The following CUX1 variants were observed in gnomAD, a reference collection of about 807,000 sequenced individuals.
CUX1 encodes cut like homeobox 1.
Under a neutral mutation model 158.8 loss-of-function variants are expected in CUX1, and 31 were observed. The ratio of observed to expected loss-of-function variants is 0.20; its 90% CI spans 0.15 to 0.26. The LOEUF is 0.26. Ranked by LOEUF, CUX1 falls within the 10% of genes least tolerant of loss-of-function variation. The pLI is 1.00. For synonymous variants in CUX1, 879 were observed against 862.1 expected (o/e 1.02, Z -0.34); for missense variants, 1,589 against 2,014.6 (o/e 0.79, Z 4.04).
intron 4 of CUX1, among the ~76,000 whole-genome samples, chr7:102,084,357 T>C (rs1373888300): frequency 1.3e-5 from 2 of 149,864 alleles, no homozygotes; most frequent in Non-Finnish European, 3.0e-5. Flanking sequence ...GCTCACCTAT[T>C]AGCTCTAGAA....
rs1554538331 is a variant in CUX1, at chr7:102,248,865, C to G, written c.4341C>G (p.Ser1447Arg). The change falls in exon 24 of 24, where the codon AGC becomes AGG. Residue 1447 changes from serine to arginine, a missense_variant. Transcript: ENST00000292535. The surrounding 1 kb of genome is among the most constrained non-coding windows in gnomAD (Gnocchi z 5.8). ...SAPPPSNSSS[S>R]SAPRRPSSLQ... Reference sequence around the variant, plus strand: ...CGCCGCCCAGCAACAGCAGCAGCAGCAGCGCCCCCCGCAGGCCCAGCTCGC... The same window carrying G: ...CGCCGCCCAGCAACAGCAGCAGCAGGAGCGCCCCCCGCAGGCCCAGCTCGC... 7.7e-7 allele frequency: 1 copy of G among 1,302,124 alleles called. No individual in the cohort carries two copies. Among genetic ancestry groups the G allele is most frequent in the Admixed American group, 3.7e-5 (1 of 26,814 alleles). The allele number at this position is 1,302,124 out of a possible 1,614,324, so 80.7% of individuals were successfully genotyped here.
chr7:101,981,783 G>T (rs1281133523), intron 2 of CUX1, among the ~76,000 whole-genome samples: 1 of 152,056 alleles, frequency 6.6e-6, no homozygotes, highest in Non-Finnish European at 1.5e-5. Flanking sequence ...GCTAATGTTT[G>T]TATTTTTAGA....
chr7:102,149,093 A>G (rs1266359464), intron 8 of CUX1, among the ~76,000 whole-genome samples: 1 of 152,122 alleles, frequency 6.6e-6, no homozygotes, highest in African/African-American at 2.4e-5. Context: ...TTATTTGCAG[A>G]TGTGGTCACA....
At chr7:101,994,998 G>A (rs1043987526) in intron 2 of CUX1, among the ~76,000 whole-genome samples, 12 of 151,788 alleles carry the variant, frequency 7.9e-5, no homozygotes, top group Admixed American at 3.9e-4. Context: ...TTAGAAGGCC[G>A]AGACGGGGGG....
At chr7:101,860,498 G>T (rs1170912675) in intron 1 of CUX1, among the ~76,000 whole-genome samples, 1 of 152,202 alleles carries the variant, frequency 6.6e-6, no homozygotes, top group Admixed American at 6.5e-5. Flanking sequence ...GCAGAATGAT[G>T]CTCTGTGGGG....
At chr7:102,143,091 G>C (rs1047980136) in intron 8 of CUX1, among the ~76,000 whole-genome samples, 1 of 152,158 alleles carries the variant, frequency 6.6e-6, no homozygotes, top group African/African-American at 2.4e-5. Flanking sequence ...ATGGCCAGGG[G>C]GCTCAATGGA....
chr7:102,239,733 G>GC (rs1799974914), intron 23 of CUX1, 149 bp downstream of exon 23: 2 of 759,742 alleles, frequency 2.6e-6, no homozygotes, highest in Admixed American at 3.4e-5. Context: ...GTCCCTTAGG[G>GC]TTTTTTTTTT....
At chr7:102,238,438 G>A (rs1326313531) in intron 22 of CUX1, among the ~76,000 whole-genome samples, 1 of 152,032 alleles carries the variant, frequency 6.6e-6, no homozygotes, top group Non-Finnish European at 1.5e-5. Context: ...ATCTCTGTAT[G>A]GCCTGGTTTT....
chr7:101,931,362 C>T (rs977842294), intron 2 of CUX1, among the ~76,000 whole-genome samples: 2 of 152,126 alleles, frequency 1.3e-5, no homozygotes, highest in African/African-American at 4.8e-5. Context: ...GGGACACAGC[C>T]GTCGTAGCTT....
intron 2 of CUX1, among the ~76,000 whole-genome samples, chr7:101,930,971 C>T (rs1806224292): frequency 6.6e-6 from 1 of 152,118 alleles, no homozygotes; most frequent in Non-Finnish European, 1.5e-5. Context: ...GTGGAGTGCA[C>T]CTGTAATCTC....
intron 5 of CUX1, among the ~76,000 whole-genome samples, chr7:102,100,863 AG>A (rs1306120873): frequency 6.6e-6 from 1 of 152,146 alleles, no homozygotes; most frequent in Non-Finnish European, 1.5e-5. Context: ...GAAATACCTT[AG>A]TCTGGGTAAT....
intron 3 of CUX1, among the ~76,000 whole-genome samples, chr7:102,053,587 C>T (rs1013755889): frequency 6.6e-6 from 1 of 152,128 alleles, no homozygotes; most frequent in African/African-American, 2.4e-5. Context: ...CTTTCCAGCC[C>T]CACTACCCCT....
intron 3 of CUX1, among the ~76,000 whole-genome samples, chr7:102,043,756 A>AT (rs1738566315): frequency 6.6e-6 from 1 of 152,098 alleles, no homozygotes; most frequent in Admixed American, 6.6e-5. Flanking sequence ...GATCGTATTA[A>AT]TTTTGGGGGG....
chr7:102,070,335 T>C lies in CUX1; in HGVS notation c.190-4T>C. 6.2e-7 allele frequency: 1 copy of C among 1,607,850 alleles called. No homozygotes were observed. The highest frequency in any genetic ancestry group is 1.3e-5 in the African/African-American group (1 of 74,750). ...TTTCTTTTCTTTCTTTCCTTCCCTTTCAGATTGATGCACTGAGTAAAAGAA... is the reference window on the plus strand; with the variant it reads ...TTTCTTTTCTTTCTTTCCTTCCCTTCCAGATTGATGCACTGAGTAAAAGAA... On this transcript the variant is annotated splice_polypyrimidine_tract_variant and splice_region_variant and intron_variant, in intron 3 of 23. Transcript: ENST00000292535.
chr7:102,152,890 C>T (rs1376539751), intron 8 of CUX1, among the ~76,000 whole-genome samples: 1 of 152,170 alleles, frequency 6.6e-6, no homozygotes, highest in Non-Finnish European at 1.5e-5. Flanking sequence ...CATTCGAAAG[C>T]CTGGGGAAAG....
chr7:102,099,396 C>T (rs1554485550), intron 5 of CUX1, among the ~76,000 whole-genome samples: 1 of 151,992 alleles, frequency 6.6e-6, no homozygotes, highest in African/African-American at 2.4e-5. Context: ...AGAATCACGC[C>T]AGTATTGCAG....
intron 9 of CUX1, among the ~76,000 whole-genome samples, chr7:102,163,353 G>A (rs1186843926): frequency 6.6e-6 from 1 of 152,008 alleles, no homozygotes; most frequent in Non-Finnish European, 1.5e-5. Context: ...AAAATAGCCA[G>A]GTGTGGTGGT....
chr7:102,017,762 G>A (rs56298472), intron 2 of CUX1, among the ~76,000 whole-genome samples: 4 of 152,010 alleles, frequency 2.6e-5, no homozygotes, highest in African/African-American at 7.2e-5. Context: ...CATGAGAATC[G>A]CTTGAGCCTG....
intron 2 of CUX1, among the ~76,000 whole-genome samples, chr7:101,926,737 G>T (rs199905715): frequency 1.1e-4 from 17 of 152,166 alleles, no homozygotes; most frequent in African/African-American, 4.1e-4. Context: ...GTCAAAAACT[G>T]TTCTAAGACT....
Sources: gnomAD v4.1 joint callset for allele counts (sites outside exome capture counted in the v4.1 genomes callset) on GRCh38, gnomAD v4.1.1 for gene constraint, Gnocchi (gnomAD v3.1) non-coding constraint, MANE v1.5 for transcripts, NCBI Gene and HGNC (gene_info 2026-07-23, HGNC 2026-07-21) for gene names.